Variants in DIPK1C observed in about 807,000 individuals in gnomAD.
DIPK1C encodes divergent protein kinase domain 1C.
DIPK1C carries 33 observed loss-of-function variants against 28.0 expected under a neutral mutation model. That is an observed-to-expected ratio of 1.18 (90% CI 0.89 to 1.58). The LOEUF (loss-of-function observed/expected upper bound fraction) is 1.58. DIPK1C is among the 40% of genes most tolerant of loss of function. DIPK1C has a pLI of 0.00. For missense variants in DIPK1C, 569 were observed against 568.5 expected, an observed-to-expected ratio of 1.00 and a Z score of -0.01; for synonymous variants, 255 against 248.8, an observed-to-expected ratio of 1.02 and a Z score of -0.23.
chr18:74,440,349 T>C (rs1986094134), intron 3 of DIPK1C, among the ~76,000 whole-genome samples: 1 of 152,200 alleles, frequency 6.6e-6, no homozygotes, highest in African/African-American at 2.4e-5. Context: ...TAACCAGATA[T>C]GTGCACAAAT....
At chr18:74,451,116 C>T (rs771028714) in intron 1 of DIPK1C, among the ~76,000 whole-genome samples, 1 of 152,136 alleles carries the variant, frequency 6.6e-6, no homozygotes, top group Non-Finnish European at 1.5e-5. Context: ...ATTTTGAAAG[C>T]GAATTAGAAG....
At chr18:74,448,111 G>A (rs527266848) in intron 1 of DIPK1C, among the ~76,000 whole-genome samples, 76 of 152,280 alleles carry the variant, frequency 5.0e-4, no homozygotes, top group African/African-American at 1.6e-3. Context: ...TGAGAAGCCC[G>A]TCCAGCCCGA....
At chr18:74,456,596 T>C (rs1040718219) in intron 1 of DIPK1C, among the ~76,000 whole-genome samples, 1 of 152,078 alleles carries the variant, frequency 6.6e-6, no homozygotes, top group Non-Finnish European at 1.5e-5. Flanking sequence ...ACCTGGCAGC[T>C]CAGGGTGGAA....
intron 3 of DIPK1C, 32 bp from the exon 4 acceptor site, chr18:74,436,751 G>A: frequency 6.4e-7 from 1 of 1,562,108 alleles, no homozygotes; most frequent in Non-Finnish European, 8.7e-7. Context: ...AGTTAATTTA[G>A]GGCAGCAAAT....
At chr18:74,461,434 G>A (rs192690619), upstream of DIPK1C, among the ~76,000 whole-genome samples, 258 of 135,208 alleles carry the variant, frequency 1.9e-3, no homozygotes, top group Admixed American at 3.0e-3. Flanking sequence ...ACAGGGTCTC[G>A]CTCTGTTGCC....
In DIPK1C at chr18:74,436,236, G is replaced by T. The variant is rs930311026; in HGVS notation, c.*265C>A. 1 of 501,022 alleles carries T rather than the reference G, an allele frequency of 2.0e-6. No homozygotes were observed. The highest frequency in any genetic ancestry group is 1.9e-5 in the African/African-American group (1 of 52,052). 31.0% of individuals were successfully genotyped at this position (501,022 alleles called of 1,614,324 possible). ...GCAGAGAATAAGTGCACACAGGTTG[G>T]TGTCTTCTGACCGAGAGCCCTCCTG... is the stretch of plus-strand genomic sequence containing the variant. On this transcript the variant is annotated 3_prime_UTR_variant, in exon 4 of 4. Transcript: ENST00000343998.
At chr18:74,453,939 C>T (rs1252783300) in intron 1 of DIPK1C, among the ~76,000 whole-genome samples, 17 of 152,172 alleles carry the variant, frequency 1.1e-4, no homozygotes. Flanking sequence ...CGCACAGTGC[C>T]TTCCCAGAGG....
chr18:74,457,234 C>A lies in DIPK1C; in HGVS notation c.26G>T (p.Gly9Val), dbSNP rs1366903165. MARAAGAR[G>V]PAGWCRRRGR... ...GCGCCTCCTGCACCACCCGGCAGGG[C>A]CCCGCGCGCCCGCCGCCCGCGCCAT... is the stretch of plus-strand genomic sequence containing the variant. The change falls in exon 1 of 4, where the codon GGC becomes GTC. Residue 9 changes from glycine (G) to valine (V), a missense_variant. Coordinates refer to ENST00000343998, the MANE Select transcript of DIPK1C (RefSeq NM_001044369.3). 5.8e-6 allele frequency: 6 copies of A among 1,035,104 alleles called. No homozygotes were observed. Among genetic ancestry groups the A allele is most frequent in the Non-Finnish European group, 6.9e-6 (6 of 864,316 alleles). The allele number at this position is 1,035,104 out of a possible 1,614,324, so 64.1% of individuals were successfully genotyped here. A position where few individuals can be genotyped will look rare whatever the true frequency, so the allele number is the denominator to read the frequency against.
chr18:74,447,120 G>A lies in DIPK1C; in HGVS notation c.362C>T (p.Ala121Val). 1 of 1,550,556 alleles carries A rather than the reference G, an allele frequency of 6.4e-7. No homozygotes were observed. Among genetic ancestry groups the A allele is most frequent in the Non-Finnish European group, 8.7e-7 (1 of 1,146,982 alleles). ...GCTGAGGGGCGGGAAGCTGGAGAAGGCCTCCTCCTTGGACTTGAGGACCAC... is the reference window on the plus strand; with the variant it reads ...GCTGAGGGGCGGGAAGCTGGAGAAGACCTCCTCCTTGGACTTGAGGACCAC... ...RPVVLKSKEE[A>V]FSSFPPLSLL... The change falls in exon 2 of 4, where the codon GCC (alanine) becomes GTC (valine). Residue 121 changes from alanine (A) to valine (V), a missense_variant. Ala to Val is a moderately conservative substitution (Grantham distance 64). Transcript: ENST00000343998. The surrounding 1 kb of genome is among the most constrained non-coding windows in gnomAD (Gnocchi z 4.1).
In DIPK1C at chr18:74,447,978, G is replaced by A. The variant is rs1986311442; in HGVS notation, c.199-695C>T. On this transcript the variant is annotated intron_variant, in intron 1 of 3. Transcript: ENST00000343998. This position sits in a 1 kb window ranked among gnomAD's most constrained non-coding sequence, Gnocchi z 4.1. ...AAAAGAGTAGGGAGTGTTTGCATCT[G>A]AGCGGCGGTGAGCAAGGCTGTCCAG... 1.3e-5 allele frequency among the ~76,000 whole-genome samples: 2 copies of A among 152,130 alleles called. No individual in the cohort carries two copies. The highest frequency in any genetic ancestry group is 6.5e-5 in the Admixed American group (1 of 15,272).
the DIPK1C span, among the ~76,000 whole-genome samples, chr18:74,464,506 A>G: frequency 0.014 from 2,209 of 152,352 alleles, 54 homozygotes; most frequent in African/African-American, 0.049. Flanking sequence ...TACCATCAAT[A>G]AACTTACACT....
upstream of DIPK1C, among the ~76,000 whole-genome samples, chr18:74,459,059 C>A (rs1181546546): frequency 6.6e-6 from 1 of 152,214 alleles, no homozygotes; most frequent in Admixed American, 6.5e-5. Flanking sequence ...ACTGTTATCA[C>A]ACCACTGCAC....
In DIPK1C at chr18:74,436,550, C is replaced by T. The variant is rs765233977; in HGVS notation, c.1211G>A (p.Arg404His). The change falls in exon 4 of 4, where the codon CGC becomes CAC. Residue 404 changes from arginine to histidine, a missense_variant. By Grantham distance (29) the Arg-to-His change is conservative (BLOSUM62 0). Transcript: ENST00000343998. ...CCTCAGTGTGGCTTGGAGGAGTTGG[C>T]GAAGCTTCCAGAACACGCTGGAGGC... is the stretch of plus-strand genomic sequence containing the variant. The part of the protein sequence containing the change: ...RAASSVFWKL[R>H]QLLQATLREL... 21 of 1,605,550 alleles carry T rather than the reference C, an allele frequency of 1.3e-5. No individual in the cohort carries two copies. The highest frequency in any genetic ancestry group is 1.5e-5 in the Non-Finnish European group (18 of 1,177,342).
chr18:74,443,204 A>C (rs770092873), intron 2 of DIPK1C, among the ~76,000 whole-genome samples: 3 of 152,234 alleles, frequency 2.0e-5, no homozygotes, highest in Admixed American at 6.5e-5. Context: ...CAGAGAGAGA[A>C]TAACTTCTAA....
Position 74,446,968 on chromosome 18 carries a change from ACC to A in DIPK1C, c.512_513del (p.Trp171LeufsTer84). Reference protein sequence around the residue: ...LELSNSSLGPWWPGRRGPRWR... With the variant: ...LELSNSSLGPXWPGRRGPRWR... ...CAGCGTGGGCCCCGCCTGCCCGGCC[ACC>A]ACGGCCCCAGGCTGCTGTTGGACAA... On this transcript the variant is annotated frameshift_variant, in exon 2 of 4. Transcript: ENST00000343998. LOFTEE classifies it high-confidence loss of function. 1.3e-6 allele frequency: 2 copies of A among 1,510,514 alleles called. No individual in the cohort carries two copies. The highest frequency in any genetic ancestry group is 1.8e-6 in the Non-Finnish European group (2 of 1,124,146). 93.6% of individuals were successfully genotyped at this position (1,510,514 alleles called of 1,614,324 possible). A position where few individuals can be genotyped will look rare whatever the true frequency, so the allele number is the denominator to read the frequency against.
intron 2 of DIPK1C, among the ~76,000 whole-genome samples, chr18:74,443,549 T>C (rs1253661174): frequency 1.3e-5 from 2 of 152,224 alleles, no homozygotes; most frequent in Non-Finnish European, 2.9e-5. Flanking sequence ...CAATGAAGTT[T>C]CTTAGGGATT....
At chr18:74,461,600 C>T (rs969967261), upstream of DIPK1C, among the ~76,000 whole-genome samples, 6 of 151,992 alleles carry the variant, frequency 3.9e-5, no homozygotes, top group African/African-American at 1.2e-4. Flanking sequence ...AACTCCTGGG[C>T]TCAAGCAATC....
intron 3 of DIPK1C, among the ~76,000 whole-genome samples, chr18:74,439,379 C>T (rs191216714): frequency 1.3e-5 from 2 of 152,320 alleles, no homozygotes; most frequent in East Asian, 3.9e-4. Context: ...CCCAGCTCTC[C>T]CTGCCTTGGT....
Position 74,442,122 on chromosome 18 carries a change from A to G in DIPK1C, c.877-6T>C. The stretch of plus-strand genomic sequence containing the variant: ...TCCACATCAATAGCCACCACCTGTA[A>G]TCAAAACAGCACGGGGCTATCAAAG... On this transcript the variant is annotated splice_polypyrimidine_tract_variant and splice_region_variant and intron_variant, in intron 2 of 3. Transcript: ENST00000343998. 3.1e-6 allele frequency: 5 copies of G among 1,613,926 alleles called. No homozygotes were observed. Among genetic ancestry groups the G allele is most frequent in the Non-Finnish European group, 4.2e-6 (5 of 1,179,956 alleles).
Sources: allele counts gnomAD v4.1 joint callset (sites outside exome capture counted in the v4.1 genomes callset), GRCh38; gene constraint gnomAD v4.1.1; non-coding constraint Gnocchi (gnomAD v3.1); transcripts MANE v1.5; gene names NCBI Gene and HGNC (gene_info 2026-07-23, HGNC 2026-07-21).